The following NHS variants were observed in gnomAD, a reference collection of about 807,000 sequenced individuals.
The protein encoded by NHS is actin remodeling regulator NHS.
A neutral mutation model predicts 72.5 loss-of-function variants in NHS; 5 were observed. That is an observed-to-expected ratio of 0.07 (90% CI 0.04 to 0.14). The LOEUF (loss-of-function observed/expected upper bound fraction) is 0.14, where lower values mean the gene tolerates loss of function less well. Ranked by LOEUF, NHS falls within the 10% of genes least tolerant of loss-of-function variation. The probability of loss-of-function intolerance (pLI) is 1.00; values close to 1 mark genes in which losing one functional copy is unlikely to be tolerated. For synonymous variants in NHS, 464 were observed against 547.7 expected (o/e 0.85, Z 2.13); for missense variants, 1,072 against 1,355.7 (o/e 0.79, Z 3.29).
intron 1 of NHS, among the ~76,000 whole-genome samples, chrX:17,566,803 T>C (rs1276568094): frequency 9.0e-6 from 1 of 111,206 alleles, no homozygotes; most frequent in Non-Finnish European, 1.9e-5. Context: ...GAATTCCTTC[T>C]TGGACTCAAT....
intron 1 of NHS, among the ~76,000 whole-genome samples, chrX:17,541,810 A>C (rs918410508): frequency 9.3e-6 from 1 of 107,920 alleles, no homozygotes; most frequent in Admixed American, 9.9e-5. Context: ...ACACACACAC[A>C]CACACTTTAG....
chrX:17,608,439 A>C (rs992203186), intron 1 of NHS, among the ~76,000 whole-genome samples: 1 of 112,243 alleles, frequency 8.9e-6, no homozygotes. Context: ...AGATGCTCAA[A>C]AATCGTTTTT....
intron 3 of NHS, among the ~76,000 whole-genome samples, chrX:17,699,094 T>C (rs779306486): frequency 2.7e-5 from 3 of 112,103 alleles, no homozygotes; most frequent in East Asian, 2.8e-4. Flanking sequence ...CTTTTTCAAA[T>C]AGAAAGACAT....
chrX:17,602,976 G>A (rs2065659653), intron 1 of NHS, among the ~76,000 whole-genome samples: 1 of 108,899 alleles, frequency 9.2e-6, no homozygotes, highest in African/African-American at 3.4e-5. Flanking sequence ...GAATAGCTGG[G>A]GTTACAGGCA....
intron 1 of NHS, among the ~76,000 whole-genome samples, chrX:17,649,932 G>A (rs930396609): frequency 7.1e-5 from 8 of 112,195 alleles, no homozygotes; most frequent in South Asian, 3.7e-4. Context: ...TGCTGCTACT[G>A]GGATAGGTGA....
intron 1 of NHS, among the ~76,000 whole-genome samples, chrX:17,616,753 A>C (rs769474525): frequency 3.4e-3 from 378 of 112,569 alleles, no homozygotes; most frequent in African/African-American, 0.012. Context: ...ATGTATTTAA[A>C]ATTTTCCCAA....
chrX:17,376,538 T>C (rs2064348313), intron 1 of NHS, among the ~76,000 whole-genome samples: 1 of 112,188 alleles, frequency 8.9e-6, no homozygotes, highest in Non-Finnish European at 1.9e-5. Flanking sequence ...GATGCAGACG[T>C]GGACGGTGGA....
intron 3 of NHS, among the ~76,000 whole-genome samples, chrX:17,717,902 C>G (rs1030350739): frequency 8.9e-6 from 1 of 112,007 alleles, no homozygotes; most frequent in Non-Finnish European, 1.9e-5. Context: ...ATCACTCCAA[C>G]GAAAGCAAAT....
At chrX:17,719,445 A>C in intron 4 of NHS, 39 bp downstream of exon 4, 1 of 1,029,985 alleles carries the variant, frequency 9.7e-7, no homozygotes, top group Non-Finnish European at 1.3e-6. Context: ...GCCCTATCCC[A>C]CTCTGTCCAG....
chrX:17,511,329 C>G (rs2065086654), intron 1 of NHS, among the ~76,000 whole-genome samples: 1 of 111,665 alleles, frequency 9.0e-6, no homozygotes, highest in Non-Finnish European at 1.9e-5. Flanking sequence ...CACCGTAGGT[C>G]TCTCCATAGT....
intron 1 of NHS, among the ~76,000 whole-genome samples, chrX:17,558,464 G>C: frequency 8.9e-6 from 1 of 112,376 alleles, no homozygotes; most frequent in Middle Eastern, 4.2e-3. Context: ...TTTTCCAAGA[G>C]TGCCCGTTGG....
chrX:17,467,520 A>G (rs1259920910), intron 1 of NHS, among the ~76,000 whole-genome samples: 1 of 112,443 alleles, frequency 8.9e-6, no homozygotes, highest in Non-Finnish European at 1.9e-5. Context: ...TTTAGTTCAT[A>G]GCAATTTAGT....
At chrX:17,554,313 G>T (rs2065354344) in intron 1 of NHS, among the ~76,000 whole-genome samples, 1 of 112,231 alleles carries the variant, frequency 8.9e-6, no homozygotes, top group Non-Finnish European at 1.9e-5. Context: ...CTCATTGCAA[G>T]CTTCTGTGAC....
intron 1 of NHS, among the ~76,000 whole-genome samples, chrX:17,454,684 A>G (rs982194090): frequency 2.0e-4 from 23 of 112,252 alleles, no homozygotes; most frequent in African/African-American, 7.5e-4. Flanking sequence ...TGAGTTCAGT[A>G]TTAAGTTGCC....
chrX:17,556,350 G>C (rs945633508), intron 1 of NHS, among the ~76,000 whole-genome samples: 5 of 113,061 alleles, frequency 4.4e-5, no homozygotes, highest in African/African-American at 1.6e-4. Flanking sequence ...AGGAGGGCAA[G>C]CTGGAGCAAG....
chrX:17,601,837 A>G (rs2065651346), intron 1 of NHS, among the ~76,000 whole-genome samples: 1 of 112,089 alleles, frequency 8.9e-6, no homozygotes, highest in Admixed American at 9.5e-5. Flanking sequence ...ACTCTGGGAA[A>G]CACTGTGAGA....
intron 1 of NHS, among the ~76,000 whole-genome samples, chrX:17,467,808 A>C (rs2064876475): frequency 8.9e-6 from 1 of 111,740 alleles, no homozygotes; most frequent in Admixed American, 9.5e-5. Context: ...TATGGTATGT[A>C]GGTGAAACTG....
intron 1 of NHS, among the ~76,000 whole-genome samples, chrX:17,637,523 A>C (rs755843482): frequency 3.6e-5 from 4 of 111,618 alleles, no homozygotes; most frequent in Non-Finnish European, 7.5e-5. Flanking sequence ...CCAACTCTGG[A>C]TGGTTCACAA....
At position 17,454,254 on chromosome X, in the gene NHS, A is replaced by G. The variant is rs1225489939; in HGVS notation, c.565+77932A>G. Among the ~76,000 whole-genome samples, 3 of 111,667 alleles carry G rather than the reference A, an allele frequency of 2.7e-5. No homozygotes were observed. In the Admixed American group the frequency reaches 2.9e-4, roughly 11 times the overall value. ...GTCCTTTCCCACTAGAAAGCCAAGT[A>G]AAGGAAGATGCTGGGTAGATGGGAT... is the stretch of plus-strand genomic sequence containing the variant. On this transcript the variant is annotated intron_variant, in intron 1 of 8. Coordinates refer to ENST00000676302, the MANE Select transcript of NHS (RefSeq NM_001291867.2).
Sources: allele counts gnomAD v4.1 joint callset (sites outside exome capture counted in the v4.1 genomes callset), GRCh38; gene constraint gnomAD v4.1.1; transcripts MANE v1.5; gene names NCBI Gene and HGNC (gene_info 2026-07-23, HGNC 2026-07-21).